The following NRG3 variants were observed in gnomAD, a reference collection of about 807,000 sequenced individuals.
The protein encoded by NRG3 is pro-neuregulin-3, membrane-bound isoform.
NRG3 carries 31 observed loss-of-function variants against 66.9 expected under a neutral mutation model. The observed-to-expected ratio is 0.46, with a 90% CI of 0.35 to 0.63. The LOEUF (loss-of-function observed/expected upper bound fraction) is 0.63. Ranked by LOEUF, NRG3 falls within the 20% of genes least tolerant of loss-of-function variation. The pLI is 0.00. For synonymous variants in NRG3, 393 were observed against 359.4 expected, an observed-to-expected ratio of 1.09 and a Z score of -1.06; for missense variants, 910 against 878.9, an observed-to-expected ratio of 1.04 and a Z score of -0.45.
intron 1 of NRG3, among the ~76,000 whole-genome samples, chr10:82,258,688 G>A (rs990617043): frequency 4.6e-5 from 7 of 152,164 alleles, no homozygotes; most frequent in Non-Finnish European, 5.9e-5. Context: ...GTGTGTTAAG[G>A]ATATGTTTAT....
chr10:82,358,934 G>A, intron 2 of NRG3, 66 bp downstream of exon 2: 1 of 1,604,994 alleles, frequency 6.2e-7, no homozygotes, highest in Non-Finnish European at 8.5e-7. Flanking sequence ...GGAGGGTGCT[G>A]GCAGCATCTG....
At chr10:82,918,002 G>T (rs1284076880) in intron 4 of NRG3, among the ~76,000 whole-genome samples, 1 of 115,786 alleles carries the variant, frequency 8.6e-6, no homozygotes, top group African/African-American at 3.5e-5. Context: ...ATGTATGTAT[G>T]TATCTCTCTC....
At chr10:82,412,019 T>G (rs1235252423) in intron 2 of NRG3, among the ~76,000 whole-genome samples, 4 of 152,126 alleles carry the variant, frequency 2.6e-5, no homozygotes, top group Non-Finnish European at 4.4e-5. Flanking sequence ...AGAATGAGTC[T>G]GGAGTATAAT....
At chr10:82,977,605 A>G (rs1360743634) in intron 7 of NRG3, among the ~76,000 whole-genome samples, 1 of 151,706 alleles carries the variant, frequency 6.6e-6, no homozygotes, top group African/African-American at 2.4e-5. Context: ...TCTCAAAAAA[A>G]AAAAAAAAAA....
At chr10:82,749,046 T>C in intron 3 of NRG3, among the ~76,000 whole-genome samples, 1 of 152,138 alleles carries the variant, frequency 6.6e-6, no homozygotes. Context: ...TGTATTAGGA[T>C]TTGTGGTGTC....
intron 4 of NRG3, among the ~76,000 whole-genome samples, chr10:82,901,903 G>A (rs1165690957): frequency 6.6e-6 from 1 of 152,084 alleles, no homozygotes; most frequent in Non-Finnish European, 1.5e-5. Flanking sequence ...TTATTTAGCG[G>A]CACTGTAATA....
chr10:82,290,408 A>G (rs919951975), intron 1 of NRG3, among the ~76,000 whole-genome samples: 6 of 152,190 alleles, frequency 3.9e-5, no homozygotes, highest in African/African-American at 1.4e-4. Flanking sequence ...TCCACATTAT[A>G]TATTTGATAT....
intron 1 of NRG3, among the ~76,000 whole-genome samples, chr10:81,967,578 G>T (rs374632724): frequency 2.6e-5 from 4 of 151,746 alleles, no homozygotes; most frequent in Admixed American, 2.6e-4. Context: ...TTATTTATGC[G>T]TGCTTATATA....
Position 82,985,179 on chromosome 10 carries a change from T to C in NRG3, c.1665T>C (p.Phe555=), listed in dbSNP as rs757596385. 6.2e-7 allele frequency: 1 copy of C among 1,614,024 alleles called. No individual in the cohort carries two copies. Among genetic ancestry groups the C allele is most frequent in the Non-Finnish European group, 8.5e-7 (1 of 1,180,010 alleles). The change falls in exon 9 of 9, where the codon TTT becomes TTC. Residue 555 remains phenylalanine (F), a synonymous_variant. Coordinates refer to ENST00000372141, the MANE Select transcript of NRG3 (RefSeq NM_001010848.4). The part of the protein sequence containing the change: ...QLPSRETNPY[F]NSLEQKDLVG... ...CTTCAAGAGAGACAAACCCCTATTT[T>C]AATAGCTTGGAGCAAAAGGACCTGG...
At chr10:82,884,435 G>T (rs1842563926) in intron 4 of NRG3, among the ~76,000 whole-genome samples, 1 of 152,090 alleles carries the variant, frequency 6.6e-6, no homozygotes, top group Non-Finnish European at 1.5e-5. Context: ...TGAGCCAAAA[G>T]AAATGTGGAA....
intron 2 of NRG3, among the ~76,000 whole-genome samples, chr10:82,418,620 A>G (rs990484638): frequency 1.3e-5 from 2 of 152,152 alleles, no homozygotes; most frequent in African/African-American, 4.8e-5. Context: ...TATTTATTAA[A>G]GGCAGGATCT....
At position 82,315,456 on chromosome 10, in the gene NRG3, A is replaced by G. The variant is rs2081243545; in HGVS notation, c.824-43283A>G. 2.0e-5 allele frequency among the ~76,000 whole-genome samples: 3 copies of G among 152,190 alleles called. No homozygotes were observed. In the South Asian group the frequency reaches 6.2e-4, roughly 32 times the overall value. On this transcript the variant is annotated intron_variant, in intron 1 of 8. Transcript: ENST00000372141. ...AAGGCCAGCTGTGTCTAGCAGATAAAACGACATGATCTTCTTGTGTAGATC... is the reference window on the plus strand; with the variant it reads ...AAGGCCAGCTGTGTCTAGCAGATAAGACGACATGATCTTCTTGTGTAGATC...
intron 2 of NRG3, among the ~76,000 whole-genome samples, chr10:82,495,429 T>C (rs1468932926): frequency 6.6e-6 from 1 of 152,174 alleles, no homozygotes; most frequent in Non-Finnish European, 1.5e-5. Flanking sequence ...CTTGATTTTT[T>C]TTTTGTCCCA....
At chr10:82,846,376 T>C (rs548172132) in intron 3 of NRG3, among the ~76,000 whole-genome samples, 2 of 152,234 alleles carry the variant, frequency 1.3e-5, no homozygotes, top group African/African-American at 4.8e-5. Context: ...ATTCTGAAAT[T>C]TGGGGAATTA....
chr10:82,968,278 AC>A (rs1851388559), intron 6 of NRG3, among the ~76,000 whole-genome samples: 1 of 152,144 alleles, frequency 6.6e-6, no homozygotes, highest in African/African-American at 2.4e-5. Flanking sequence ...GTTTCAAGCA[AC>A]CTCCGGATAG....
intron 1 of NRG3, among the ~76,000 whole-genome samples, chr10:82,181,125 C>A (rs1246311235): frequency 6.6e-6 from 1 of 151,448 alleles, no homozygotes; most frequent in Non-Finnish European, 1.5e-5. Context: ...ATTTCTAATT[C>A]TCTTCATTTA....
intron 2 of NRG3, among the ~76,000 whole-genome samples, chr10:82,529,591 A>G (rs1847061365): frequency 6.6e-6 from 1 of 152,220 alleles, no homozygotes; most frequent in Non-Finnish European, 1.5e-5. Flanking sequence ...ACAGAAGTGC[A>G]TGCTTAGAGA....
At chr10:81,971,137 G>A (rs10786787) in intron 1 of NRG3, among the ~76,000 whole-genome samples, 53,569 of 152,014 alleles carry the variant, frequency 0.35, 11,628 homozygotes, top group East Asian at 0.64. Flanking sequence ...CAAACACTCC[G>A]TCTAAAAAGA....
chr10:82,425,162 T>C (rs368521097), intron 2 of NRG3, among the ~76,000 whole-genome samples: 1 of 152,070 alleles, frequency 6.6e-6, no homozygotes, highest in East Asian at 1.9e-4. Flanking sequence ...GGATTAACTT[T>C]TCAATTTTGG....
Sources: allele counts gnomAD v4.1 joint callset (sites outside exome capture counted in the v4.1 genomes callset), GRCh38; gene constraint gnomAD v4.1.1; transcripts MANE v1.5; gene names NCBI Gene and HGNC (gene_info 2026-07-23, HGNC 2026-07-21).